The following NEK7 variants were observed in gnomAD, a reference collection of about 807,000 sequenced individuals.
NEK7 encodes serine/threonine-protein kinase Nek7.
A neutral mutation model predicts 44.6 loss-of-function variants in NEK7; 18 were observed. The ratio of observed to expected loss-of-function variants is 0.40; its 90% CI spans 0.28 to 0.60. The LOEUF is 0.60. Ranked by LOEUF, NEK7 falls within the 20% of genes least tolerant of loss-of-function variation. The probability of loss-of-function intolerance (pLI) is 0.38; values close to 1 mark genes in which losing one functional copy is unlikely to be tolerated. For synonymous variants in NEK7, 130 were observed against 121.1 expected (o/e 1.07, Z -0.48); for missense variants, 256 against 366.5 (o/e 0.70, Z 2.46).
intron 7 of NEK7, among the ~76,000 whole-genome samples, chr1:198,289,774 T>C (rs1291393929): frequency 1.3e-5 from 2 of 152,202 alleles, no homozygotes; most frequent in African/African-American, 2.4e-5. Context: ...AATAGCAACA[T>C]GTTAGCAGAA....
chr1:198,184,672 A>G (rs375981260), intron 1 of NEK7, among the ~76,000 whole-genome samples: 3 of 152,076 alleles, frequency 2.0e-5, no homozygotes, highest in Middle Eastern at 3.4e-3. Flanking sequence ...ATGAAATCAC[A>G]ATATATATAT....
intron 2 of NEK7, among the ~76,000 whole-genome samples, chr1:198,239,562 C>T (rs1666628912): frequency 6.6e-6 from 1 of 151,974 alleles, no homozygotes; most frequent in African/African-American, 2.4e-5. Flanking sequence ...AATGAGATTA[C>T]TTTGAGAAAC....
rs1229284134 is a variant in NEK7 at position 198,321,672 on chromosome 1, T to C, written c.*2150T>C. Reference sequence around the variant, plus strand: ...ATGTGGAAACTTTTTGCTTCGAATATTGTATCTTTTTAAATCTAAATGTTC... The same window carrying C: ...ATGTGGAAACTTTTTGCTTCGAATACTGTATCTTTTTAAATCTAAATGTTC... On this transcript the variant is annotated 3_prime_UTR_variant, in exon 10 of 10. Coordinates refer to ENST00000367385, the MANE Select transcript of NEK7 (RefSeq NM_133494.3). 1 of 152,154 alleles carries C rather than the reference T, an allele frequency of 6.6e-6. No individual in the cohort carries two copies. The highest frequency in any genetic ancestry group is 1.5e-5 in the Non-Finnish European group (1 of 67,978). The allele number at this position is 152,154 out of a possible 1,614,324, so 9.4% of individuals were successfully genotyped here. A position where few individuals can be genotyped will look rare whatever the true frequency, so the allele number is the denominator to read the frequency against.
At chr1:198,312,913 C>T (rs1217935050) in intron 9 of NEK7, among the ~76,000 whole-genome samples, 1 of 152,160 alleles carries the variant, frequency 6.6e-6, no homozygotes. Flanking sequence ...AATGTATTTT[C>T]TGTTGATTTG....
intron 1 of NEK7, among the ~76,000 whole-genome samples, chr1:198,180,304 T>A (rs1664730320): frequency 6.6e-6 from 1 of 152,014 alleles, no homozygotes; most frequent in South Asian, 2.1e-4. Flanking sequence ...TAATTTAGAA[T>A]CATTATTGTT....
At chr1:198,228,928 G>GC (rs1666307410) in intron 1 of NEK7, among the ~76,000 whole-genome samples, 1 of 152,152 alleles carries the variant, frequency 6.6e-6, no homozygotes, top group African/African-American at 2.4e-5. Flanking sequence ...GTGAGAGAGG[G>GC]CATCCCTGTC....
chr1:198,194,174 TCCG>T (rs1469090445), intron 1 of NEK7, among the ~76,000 whole-genome samples: 6 of 152,184 alleles, frequency 3.9e-5, no homozygotes, highest in Non-Finnish European at 8.8e-5. Flanking sequence ...TTATTGGAAA[TCCG>T]GATGGAGATG....
chr1:198,266,758 G>T (rs1403047554), intron 5 of NEK7, among the ~76,000 whole-genome samples: 1 of 151,992 alleles, frequency 6.6e-6, no homozygotes, highest in Non-Finnish European at 1.5e-5. Context: ...AAAGACATAT[G>T]TACAAATGTA....
chr1:198,187,438 C>T (rs981109967), intron 1 of NEK7, among the ~76,000 whole-genome samples: 1 of 152,158 alleles, frequency 6.6e-6, no homozygotes, highest in Non-Finnish European at 1.5e-5. Flanking sequence ...AAGGCTTGTT[C>T]CACATCTCAG....
intron 1 of NEK7, among the ~76,000 whole-genome samples, chr1:198,181,636 G>C (rs549935683): frequency 1.3e-5 from 2 of 152,108 alleles, no homozygotes; most frequent in African/African-American, 4.8e-5. Flanking sequence ...ATTTATGTTT[G>C]TGAGAATCTC....
At chr1:198,171,153 G>A (rs942761495) in intron 1 of NEK7, among the ~76,000 whole-genome samples, 6 of 152,076 alleles carry the variant, frequency 3.9e-5, no homozygotes, top group African/African-American at 1.4e-4. Context: ...TGAGACTACA[G>A]TGTACTTAAA....
chr1:198,212,983 G>C (rs775646507), intron 1 of NEK7, among the ~76,000 whole-genome samples: 1 of 152,178 alleles, frequency 6.6e-6, no homozygotes, highest in African/African-American at 2.4e-5. Context: ...ATTTGACAAA[G>C]CCAACACACT....
At chr1:198,225,257 A>C (rs1666182495) in intron 1 of NEK7, among the ~76,000 whole-genome samples, 1 of 102,460 alleles carries the variant, frequency 9.8e-6, no homozygotes, top group African/African-American at 4.6e-5. Flanking sequence ...GTAGGTTACA[A>C]AAAAAAAAAA....
At chr1:198,302,172 G>C (rs966633311) in intron 9 of NEK7, among the ~76,000 whole-genome samples, 2 of 152,040 alleles carry the variant, frequency 1.3e-5, no homozygotes, top group Admixed American at 1.3e-4. Flanking sequence ...AAAAGATCAA[G>C]TAATGAGCCC....
intron 2 of NEK7, among the ~76,000 whole-genome samples, chr1:198,233,171 G>T: frequency 6.6e-6 from 1 of 151,486 alleles, no homozygotes; most frequent in East Asian, 1.9e-4. Context: ...TTAGTGAGCT[G>T]ATCTTGCCTT....
intron 3 of NEK7, among the ~76,000 whole-genome samples, chr1:198,259,064 T>C (rs1397639760): frequency 6.6e-6 from 1 of 152,226 alleles, no homozygotes; most frequent in Non-Finnish European, 1.5e-5. Context: ...AATTTAGTTT[T>C]GCTTTAGATG....
chr1:198,204,443 G>A (rs898135829), intron 1 of NEK7, among the ~76,000 whole-genome samples: 33 of 151,952 alleles, frequency 2.2e-4, no homozygotes, highest in Non-Finnish European at 3.2e-4. Context: ...CTCAGGGCCC[G>A]GCGCGGTGGC....
intron 2 of NEK7, among the ~76,000 whole-genome samples, chr1:198,249,045 C>CG (rs929427786): frequency 1.7e-5 from 2 of 114,676 alleles, no homozygotes; most frequent in African/African-American, 6.7e-5. Flanking sequence ...CCCCCCTCCC[C>CG]CCACCCCACA....
At chr1:198,260,266 T>G (rs1388281711) in intron 3 of NEK7, among the ~76,000 whole-genome samples, 1 of 152,118 alleles carries the variant, frequency 6.6e-6, no homozygotes, top group Non-Finnish European at 1.5e-5. Flanking sequence ...TACTGGTAAT[T>G]TTTTTAACCC....
Sources: allele counts gnomAD v4.1 joint callset (sites outside exome capture counted in the v4.1 genomes callset), GRCh38; gene constraint gnomAD v4.1.1; transcripts MANE v1.5; gene names NCBI Gene and HGNC (gene_info 2026-07-23, HGNC 2026-07-21).